The following MARK3 variants were observed in gnomAD, a reference collection of about 807,000 sequenced individuals.
The protein encoded by MARK3 is MAP/microtubule affinity-regulating kinase 3.
Under a neutral mutation model 90.1 loss-of-function variants are expected in MARK3, and 46 were observed. The ratio of observed to expected loss-of-function variants is 0.51; its 90% CI spans 0.40 to 0.65. The LOEUF is 0.65. MARK3 is among the 30% of genes least tolerant of loss of function. The probability of loss-of-function intolerance (pLI) is 0.00; values close to 1 mark genes in which losing one functional copy is unlikely to be tolerated. For missense variants in MARK3, 818 were observed against 947.2 expected, an observed-to-expected ratio of 0.86 and a Z score of 1.79; for synonymous variants, 321 against 332.6, an observed-to-expected ratio of 0.97 and a Z score of 0.38.
intron 5 of MARK3, 62 bp downstream of exon 5, chr14:103,452,045 C>T (rs766179427): frequency 7.4e-5 from 78 of 1,048,978 alleles, no homozygotes; most frequent in Non-Finnish European, 1.1e-4. Context: ...AAATACACAA[C>T]CATACTGCCC....
At chr14:103,467,889 G>A in intron 11 of MARK3, 144 bp from the exon 12 acceptor site, 2 of 696,012 alleles carry the variant, frequency 2.9e-6, no homozygotes, top group East Asian at 2.9e-5. Context: ...CTTGAGTTTA[G>A]GGTTGTCATT....
intron 14 of MARK3, among the ~76,000 whole-genome samples, chr14:103,486,793 A>G (rs1478195505): frequency 6.6e-6 from 1 of 152,210 alleles, no homozygotes; most frequent in East Asian, 1.9e-4. Context: ...TACTGTAGAA[A>G]TCAGAAAAAT....
intron 12 of MARK3, among the ~76,000 whole-genome samples, chr14:103,473,461 A>G (rs2093664112): frequency 6.6e-6 from 1 of 152,236 alleles, no homozygotes; most frequent in Admixed American, 6.5e-5. Context: ...TGGAAAGCCA[A>G]TCAGTAGTAA....
chr14:103,443,789 G>C (rs1445602676), intron 3 of MARK3, among the ~76,000 whole-genome samples: 1 of 152,080 alleles, frequency 6.6e-6, no homozygotes, highest in African/African-American at 2.4e-5. Context: ...TTACACAAAT[G>C]CATTTTCTTG....
At chr14:103,390,467 T>TG (rs869232124) in intron 1 of MARK3, among the ~76,000 whole-genome samples, 2 of 260 alleles carry the variant, frequency 7.7e-3, no homozygotes. Context: ...TTTCTAAAAC[T>TG]TTTTTTTAAG....
intron 1 of MARK3, 53 bp downstream of exon 1, chr14:103,386,133 C>G (rs966240707): frequency 1.9e-6 from 3 of 1,544,956 alleles, no homozygotes; most frequent in Admixed American, 3.3e-5. Context: ...CATTCGTGCT[C>G]CTCGGGCAGT....
intron 6 of MARK3, among the ~76,000 whole-genome samples, chr14:103,458,289 G>C (rs1049688877): frequency 6.6e-6 from 1 of 151,802 alleles, no homozygotes; most frequent in Non-Finnish European, 1.5e-5. Context: ...TGAAAACCCT[G>C]TCTCTACAAA....
At chr14:103,487,510 C>G (rs1240698157) in intron 14 of MARK3, among the ~76,000 whole-genome samples, 1 of 152,078 alleles carries the variant, frequency 6.6e-6, no homozygotes, top group East Asian at 2.0e-4. Context: ...ACCCTCCTGC[C>G]TGCAAGCTGA....
intron 1 of MARK3, among the ~76,000 whole-genome samples, chr14:103,390,140 C>G (rs1308852953): frequency 6.7e-6 from 1 of 149,168 alleles, no homozygotes; most frequent in Admixed American, 6.7e-5. Context: ...CCCAGCTACT[C>G]GGGAGGCTGA....
chr14:103,494,981 A>G (rs780436893), intron 15 of MARK3, among the ~76,000 whole-genome samples: 15 of 152,232 alleles, frequency 9.9e-5, no homozygotes, highest in Non-Finnish European at 2.1e-4. Context: ...ACATATAAAT[A>G]TGTATGTACA....
At chr14:103,459,033 A>G (rs1457158057) in intron 6 of MARK3, among the ~76,000 whole-genome samples, 5 of 152,194 alleles carry the variant, frequency 3.3e-5, no homozygotes, top group Non-Finnish European at 7.3e-5. Context: ...TATTAAAGGA[A>G]ATTCAGATTT....
In MARK3 at chr14:103,465,731, C is replaced by T. The variant is rs1355074287; in HGVS notation, c.715C>T (p.Leu239=). 2.5e-6 allele frequency: 4 copies of T among 1,613,956 alleles called. No homozygotes were observed. The highest frequency in any genetic ancestry group is 2.7e-5 in the African/African-American group (2 of 74,886). ...YDGPEVDVWS[L]GVILYTLVSG... ...CGGGCCAGAAGTGGATGTGTGGAGT[C>T]TGGGGGTCATTTTATACACACTAGT... Residue 239 remains leucine (L), a synonymous_variant, in exon 8 of 18, where the codon CTG becomes TTG. Transcript: ENST00000429436.
rs1279235170 is a variant in MARK3, at chr14:103,468,038, T to C, written c.1116T>C (p.Asp372=). 2.8e-5 allele frequency: 45 copies of C among 1,613,138 alleles called. No homozygotes were observed. Among genetic ancestry groups the C allele is most frequent in the Non-Finnish European group, 3.7e-5 (44 of 1,179,754 alleles). ...TTTTTCTCATTTTCTCTTAGCTGGA[T>C]GCTAGTGATTCCAGTTCTAGCAGCA... ...LLLGRKSSEL[D]ASDSSSSSNL... The change falls in exon 12 of 18, where the codon GAT becomes GAC. Residue 372 remains aspartate (D), a synonymous_variant. Coordinates refer to ENST00000429436, the MANE Select transcript of MARK3 (RefSeq NM_001128918.3).
chr14:103,460,490 A>G (rs1366381579), intron 6 of MARK3, among the ~76,000 whole-genome samples: 1 of 152,114 alleles, frequency 6.6e-6, no homozygotes, highest in African/African-American at 2.4e-5. Context: ...TCATAGTTTA[A>G]CCTAAATAAC....
At chr14:103,501,625 C>G (rs1053048717) in intron 17 of MARK3, among the ~76,000 whole-genome samples, 3 of 152,092 alleles carry the variant, frequency 2.0e-5, no homozygotes, top group African/African-American at 4.8e-5. Flanking sequence ...GGCCCACCCC[C>G]ACCCGTGCTG....
Position 103,405,155 on chromosome 14 carries a change from C to T in MARK3, c.131C>T (p.Ala44Val). The T allele has an allele frequency of 6.2e-7, 1 of 1,608,478 alleles. No individual in the cohort carries two copies. The change falls in exon 2 of 18, where the codon GCC becomes GTC. Residue 44 changes from alanine to valine, a missense_variant. Coordinates refer to ENST00000429436, the MANE Select transcript of MARK3 (RefSeq NM_001128918.3). ...GGAGCTCGGTGTAGAAACTCTATAGCCTCCTGTGCAGATGAACAACCTCAC... is the reference window on the plus strand; with the variant it reads ...GGAGCTCGGTGTAGAAACTCTATAGTCTCCTGTGCAGATGAACAACCTCAC... ...RSGARCRNSIASCADEQPHIG... is the reference protein window; with the variant it reads ...RSGARCRNSIVSCADEQPHIG...
At chr14:103,433,465 G>A (rs994551557) in intron 3 of MARK3, among the ~76,000 whole-genome samples, 7 of 152,172 alleles carry the variant, frequency 4.6e-5, no homozygotes, top group South Asian at 2.1e-4. Context: ...AGGCCGAGGC[G>A]GGTGGATCAC....
intron 4 of MARK3, among the ~76,000 whole-genome samples, chr14:103,451,162 A>G (rs1335861559): frequency 1.3e-5 from 2 of 151,714 alleles, no homozygotes; most frequent in South Asian, 2.1e-4. Flanking sequence ...CCAACTCCTC[A>G]GCAGAAACGA....
intron 2 of MARK3, chr14:103,412,429 C>A (rs922164713): frequency 3.5e-6 from 2 of 576,752 alleles, no homozygotes; most frequent in Non-Finnish European, 6.2e-6. Flanking sequence ...TTATCAGAGA[C>A]TCTGAAGCCA....
Sources: allele counts gnomAD v4.1 joint callset (sites outside exome capture counted in the v4.1 genomes callset), GRCh38; gene constraint gnomAD v4.1.1; transcripts MANE v1.5; gene names NCBI Gene and HGNC (gene_info 2026-07-23, HGNC 2026-07-21).